The following ECE1 variants were observed in gnomAD, a reference collection of about 807,000 sequenced individuals.
ECE1 encodes the protein endothelin-converting enzyme 1.
Under a neutral mutation model 98.6 loss-of-function variants are expected in ECE1, and 35 were observed. The ratio of observed to expected loss-of-function variants is 0.35; its 90% CI spans 0.27 to 0.47. ECE1 has a LOEUF of 0.47. Among genes scored for constraint, ECE1 ranks in the 20% least tolerant of loss-of-function variants. The pLI is 1.00. For missense variants in ECE1, 814 were observed against 1,025.3 expected, an observed-to-expected ratio of 0.79 and a Z score of 2.81; for synonymous variants, 394 against 407.1, an observed-to-expected ratio of 0.97 and a Z score of 0.39.
At chr1:21,227,344 C>T in intron 15 of ECE1, 118 bp from the exon 16 acceptor site, 3 of 1,037,588 alleles carry the variant, frequency 2.9e-6, no homozygotes, top group Non-Finnish European at 4.5e-6. Flanking sequence ...CCACAGGGCT[C>T]TGTGTGGATA....
chr1:21,237,203 T>C (rs2098189381), intron 11 of ECE1, among the ~76,000 whole-genome samples: 1 of 152,174 alleles, frequency 6.6e-6, no homozygotes, highest in African/African-American at 2.4e-5. Context: ...CTTATTGCCT[T>C]ATTGGACCAC....
intron 1 of ECE1, among the ~76,000 whole-genome samples, chr1:21,311,588 G>C (rs1377719443): frequency 2.6e-5 from 4 of 151,872 alleles, no homozygotes; most frequent in Non-Finnish European, 5.9e-5. Context: ...GTCGAGGTGG[G>C]AGGATCGCTT....
chr1:21,309,025 C>A (rs1638658547), intron 1 of ECE1, among the ~76,000 whole-genome samples: 1 of 152,238 alleles, frequency 6.6e-6, no homozygotes, highest in African/African-American at 2.4e-5. Flanking sequence ...GAATCTGGCA[C>A]AGGCTCCTCG....
In ECE1 at chr1:21,255,817, TAAC is replaced by T. The variant is rs1264736854; in HGVS notation, c.1020+127_1020+129del. 3.8e-6 allele frequency: 4 copies of T among 1,061,964 alleles called. No homozygotes were observed. The Admixed American group carries it at 9.0e-5, about 24-fold the overall frequency. The allele number at this position is 1,061,964 out of a possible 1,614,324, so 65.8% of individuals were successfully genotyped here. A position where few individuals can be genotyped will look rare whatever the true frequency, so the allele number is the denominator to read the frequency against. ...AGTTTTTCCATCTGTGGACTGGGCA[TAAC>T]AACCATCCTTCCTTTGTCACATAGT... On this transcript the variant is annotated intron_variant, in intron 8 of 18. Coordinates refer to ENST00000374893, the MANE Select transcript of ECE1 (RefSeq NM_001397.3).
chr1:21,264,307 A>AT (rs1229144752), intron 4 of ECE1, among the ~76,000 whole-genome samples: 1 of 105,398 alleles, frequency 9.5e-6, no homozygotes, highest in Admixed American at 1.0e-4. Context: ...GAATATACCA[A>AT]TTCCCCCCCC....
chr1:21,325,889 G>A (rs1442487091), intron 1 of ECE1, among the ~76,000 whole-genome samples: 1 of 152,172 alleles, frequency 6.6e-6, no homozygotes, highest in Non-Finnish European at 1.5e-5. Flanking sequence ...AGAGGCTCAA[G>A]GGGTGCCCCG....
rs559853451 is a variant in ECE1 at position 21,321,985 on chromosome 1, G to A, written c.3+23391C>T. Among the ~76,000 whole-genome samples, 5 of 152,244 alleles carry A rather than the reference G, an allele frequency of 3.3e-5. No individual in the cohort carries two copies. In the South Asian group the frequency reaches 6.2e-4, roughly 19 times the overall value. The stretch of plus-strand genomic sequence containing the variant: ...GAATGCTTCCTCAGGATCTAAGACC[G>A]CTTGGAAGGGGCCAGTTGGTGTGAT... On this transcript the variant is annotated intron_variant, in intron 1 of 18. Coordinates refer to the ECE1 transcript ENST00000415912.
chr1:21,257,645 T>G, intron 6 of ECE1, 55 bp from the exon 7 acceptor site: 5 of 1,582,066 alleles, frequency 3.2e-6, no homozygotes, highest in Non-Finnish European at 4.3e-6. Flanking sequence ...GTGTATCCAC[T>G]GCACGGCCTC....
upstream of ECE1, among the ~76,000 whole-genome samples, chr1:21,290,889 G>T (rs2103362964): frequency 6.6e-6 from 1 of 152,282 alleles, no homozygotes; most frequent in African/African-American, 2.4e-5. This position sits in a 1 kb window ranked among gnomAD's most constrained non-coding sequence, Gnocchi z 7.3. Flanking sequence ...TTCTAGCTCA[G>T]AGGCCTTTAA....
Position 21,311,988 on chromosome 1 carries a change from C to A in ECE1, c.4-21832G>T, listed in dbSNP as rs945199765. On this transcript the variant is annotated intron_variant, in intron 1 of 18. Coordinates refer to the ECE1 transcript ENST00000415912. ...AAATATAAAAATTAGCCGGGCATGG[C>A]AGTGCATGCCTCTAATTCCAGCTAC... Among the ~76,000 whole-genome samples, 3 of 151,186 alleles carry A rather than the reference C, an allele frequency of 2.0e-5. No individual in the cohort carries two copies. In the East Asian group the frequency reaches 5.8e-4, roughly 29 times the overall value.
rs989810383 is a variant in ECE1 at position 21,333,552 on chromosome 1, C to A, written c.3+11824G>T. Among the ~76,000 whole-genome samples the A allele has an allele frequency of 2.0e-5, 3 of 152,322 alleles. No homozygotes were observed. In the South Asian group the frequency reaches 6.2e-4, roughly 32 times the overall value. ...GAGGTTAGGATGACAGAGCCACGGG[C>A]TGGGCGCAGTGGCTCACGCCCATAA... On this transcript the variant is annotated intron_variant, in intron 1 of 18. Coordinates refer to the ECE1 transcript ENST00000415912.
rs1055460478 is a variant in ECE1 at position 21,219,417 on chromosome 1, G to C, written c.*538C>G. ...TTTGGAGACTTGCTCTGTGGCCCAGGGATCCGTGCCTCAGCCCAGCCTCAC... is the reference window on the plus strand; with the variant it reads ...TTTGGAGACTTGCTCTGTGGCCCAGCGATCCGTGCCTCAGCCCAGCCTCAC... On this transcript the variant is annotated 3_prime_UTR_variant, in exon 19 of 19. Coordinates refer to ENST00000374893, the MANE Select transcript of ECE1 (RefSeq NM_001397.3). The surrounding 1 kb of genome is among the most constrained non-coding windows in gnomAD (Gnocchi z 4.5). The C allele has an allele frequency of 8.7e-4, 139 of 160,660 alleles. 1 individual carries two copies. The highest frequency in any genetic ancestry group is 4.5e-4 in the Non-Finnish European group (33 of 72,606). The allele number at this position is 160,660 out of a possible 1,614,324, so 10.0% of individuals were successfully genotyped here. A position where few individuals can be genotyped will look rare whatever the true frequency, so the allele number is the denominator to read the frequency against.
intron 4 of ECE1, among the ~76,000 whole-genome samples, chr1:21,265,621 T>G (rs950834596): frequency 1.1e-4 from 17 of 152,040 alleles, no homozygotes; most frequent in African/African-American, 4.1e-4. Context: ...CCATAGCCCC[T>G]CGTTCAGGCC....
chr1:21,281,217 A>G lies in ECE1; in HGVS notation c.139-1885T>C, dbSNP rs2098254141. On this transcript the variant is annotated intron_variant, in intron 2 of 18. Transcript: ENST00000374893. The stretch of plus-strand genomic sequence containing the variant: ...AAAACAAAACAAAACAAAACAAAAC[A>G]AAACAAAACTGAGCAAAGGATCTTG... Among the ~76,000 whole-genome samples the G allele has an allele frequency of 4.0e-5, 6 of 148,648 alleles. No homozygotes were observed. In the South Asian group the frequency reaches 1.1e-3, roughly 26 times the overall value.
chr1:21,324,756 G>T (rs1479788571), intron 1 of ECE1, among the ~76,000 whole-genome samples: 1 of 152,212 alleles, frequency 6.6e-6, no homozygotes, highest in Non-Finnish European at 1.5e-5. Context: ...GGGACAAATG[G>T]AGGCGGAGGT....
At chr1:21,296,368 G>C (rs894443083) in intron 1 of ECE1, among the ~76,000 whole-genome samples, 1 of 151,914 alleles carries the variant, frequency 6.6e-6, no homozygotes, top group Non-Finnish European at 1.5e-5. Context: ...AAAAAAATTA[G>C]CTAGGTGTGG....
At chr1:21,272,334 C>T (rs1028028440) in intron 4 of ECE1, among the ~76,000 whole-genome samples, 1 of 152,212 alleles carries the variant, frequency 6.6e-6, no homozygotes, top group Non-Finnish European at 1.5e-5. Flanking sequence ...CTCTGTTGCC[C>T]AGGCTGGAGT....
chr1:21,233,982 ATTTC>A lies in ECE1; in HGVS notation c.1567-325_1567-322del, dbSNP rs1024843158. Among the ~76,000 whole-genome samples the A allele has an allele frequency of 6.6e-6, 1 of 151,306 alleles. No homozygotes were observed. Among genetic ancestry groups the A allele is most frequent in the African/African-American group, 2.4e-5 (1 of 41,156 alleles). On this transcript the variant is annotated intron_variant, in intron 13 of 18. Coordinates refer to ENST00000374893, the MANE Select transcript of ECE1 (RefSeq NM_001397.3). This position sits in a 1 kb window ranked among gnomAD's most constrained non-coding sequence, Gnocchi z 4.0. ...TGTCCAGTATGGCAGACTACTAAGC[ATTTC>A]TTTCTTTCTTTTTTTTTTGAGACGG...
intron 9 of ECE1, among the ~76,000 whole-genome samples, chr1:21,245,805 A>T (rs2098202637): frequency 6.6e-6 from 1 of 152,208 alleles, no homozygotes; most frequent in Non-Finnish European, 1.5e-5. Context: ...AATGTTCAGG[A>T]TACAGGTCAA....
Sources: allele counts gnomAD v4.1 joint callset (sites outside exome capture counted in the v4.1 genomes callset), GRCh38; gene constraint gnomAD v4.1.1; non-coding constraint Gnocchi (gnomAD v3.1); transcripts MANE v1.5; gene names NCBI Gene and HGNC (gene_info 2026-07-23, HGNC 2026-07-21).